Variants in SPTAN1 observed in about 807,000 individuals in gnomAD.
SPTAN1 encodes spectrin alpha chain, non-erythrocytic 1.
A neutral mutation model predicts 331.3 loss-of-function variants in SPTAN1; 61 were observed. That is an observed-to-expected ratio of 0.18 (90% CI 0.15 to 0.23). SPTAN1 has a LOEUF of 0.23. SPTAN1 is among the 10% of genes least tolerant of loss of function. The pLI is 1.00. For synonymous variants in SPTAN1, 1,153 were observed against 1,173.9 expected, an observed-to-expected ratio of 0.98 and a Z score of 0.36; for missense variants, 2,043 against 3,147.9, an observed-to-expected ratio of 0.65 and a Z score of 8.40.
At chr9:128,598,360 G>A in intron 24 of SPTAN1, 40 bp from the exon 25 acceptor site, 1 of 1,519,646 alleles carries the variant, frequency 6.6e-7, no homozygotes, top group Non-Finnish European at 9.1e-7. Flanking sequence ...ACTTTGGCTT[G>A]CTATTTTGGG....
At chr9:128,616,220 C>T (rs963165575) in intron 41 of SPTAN1, among the ~76,000 whole-genome samples, 3 of 151,350 alleles carry the variant, frequency 2.0e-5, no homozygotes, top group African/African-American at 7.3e-5. Context: ...GGTAAACAAA[C>T]ATTTTTTTTT....
At position 128,633,462 on chromosome 9, in the gene SPTAN1, AAAATGGTGCTTCACT is replaced by A; in HGVS notation, c.*131_*145del. On this transcript the variant is annotated 3_prime_UTR_variant, in exon 57 of 57. Transcript: ENST00000372739. ...CTTAGCTTGGAATAAGACTTAGGAG[AAAATGGTGCTTCACT>A]AACCCGCTTCCGGTCCAGTCACAAT... The A allele has an allele frequency of 5.3e-6, 8 of 1,504,938 alleles. No individual in the cohort carries two copies. The highest frequency in any genetic ancestry group is 7.3e-6 in the Non-Finnish European group (8 of 1,096,282). 93.2% of individuals were successfully genotyped at this position (1,504,938 alleles called of 1,614,324 possible).
chr9:128,580,929 T>C lies in SPTAN1; in HGVS notation c.1331T>C (p.Val444Ala), dbSNP rs2131087754. 6.2e-7 allele frequency: 1 copy of C among 1,613,064 alleles called. No individual in the cohort carries two copies. Among genetic ancestry groups the C allele is most frequent in the South Asian group, 1.1e-5 (1 of 91,028 alleles). Reference sequence around the variant, plus strand: ...GTCTCCTATGCCCCCAAGCTGACCGTCCTTTCCGAGGAGAGAGCGGCGCTG... The same window carrying C: ...GTCTCCTATGCCCCCAAGCTGACCGCCCTTTCCGAGGAGAGAGCGGCGCTG... ...ASDEVREKLT[V>A]LSEERAALLE... The change falls in exon 11 of 57, where the codon GTC (valine) becomes GCC (alanine). Residue 444 changes from valine (V) to alanine (A), a missense_variant. This residue lies in a region of SPTAN1 where 1,038 missense variants were observed against 1,531.5 expected (regional missense o/e 0.68). Coordinates refer to ENST00000372739, the MANE Select transcript of SPTAN1 (RefSeq NM_001130438.3).
In SPTAN1 at chr9:128,581,076, G is replaced by A. The variant is rs758242330; in HGVS notation, c.1461+17G>A. The A allele has an allele frequency of 3.1e-6, 5 of 1,613,604 alleles. No homozygotes were observed. In the East Asian group the frequency reaches 6.7e-5, roughly 22 times the overall value. On this transcript the variant is annotated intron_variant, in intron 11 of 56. Transcript: ENST00000372739. Reference sequence around the variant, plus strand: ...AAGCAGGAGGTAATCTGTGAGCAAAGCCTTGCCAGTGGTGGGAGAAGAAGG... The same window carrying A: ...AAGCAGGAGGTAATCTGTGAGCAAAACCTTGCCAGTGGTGGGAGAAGAAGG...
Position 128,609,326 on chromosome 9 carries a change from T to C in SPTAN1, c.4758+42T>C, listed in dbSNP as rs182701478. ...GGGTGTTGGTCTTGATGTAGCCTTA[T>C]GTTATTGAGTAGATTTTGTTAAATA... On this transcript the variant is annotated intron_variant, in intron 36 of 56. Coordinates refer to ENST00000372739, the MANE Select transcript of SPTAN1 (RefSeq NM_001130438.3). The C allele has an allele frequency of 6.1e-4, 983 of 1,613,666 alleles. 2 individuals carry two copies. The highest frequency in any genetic ancestry group is 8.3e-4 in the Middle Eastern group (5 of 6,060).
At chr9:128,612,369 C>T in intron 39 of SPTAN1, 123 bp downstream of exon 39, 1 of 1,258,372 alleles carries the variant, frequency 7.9e-7, no homozygotes, top group Non-Finnish European at 1.2e-6. Flanking sequence ...TGACAGAAAC[C>T]CTTATTATAT....
At chr9:128,570,585 GC>G (rs1850594344) in intron 3 of SPTAN1, among the ~76,000 whole-genome samples, 1 of 151,850 alleles carries the variant, frequency 6.6e-6, no homozygotes, top group Non-Finnish European at 1.5e-5. Flanking sequence ...TGATCCACCT[GC>G]CTCAGCCTCC....
intron 9 of SPTAN1, among the ~76,000 whole-genome samples, chr9:128,579,319 T>G (rs543790625): frequency 6.6e-6 from 1 of 152,258 alleles, no homozygotes; most frequent in South Asian, 2.1e-4. Flanking sequence ...TATAAAATCA[T>G]AGTAAACAAG....
intron 1 of SPTAN1, among the ~76,000 whole-genome samples, chr9:128,556,413 T>C (rs1848647265): frequency 6.6e-6 from 1 of 152,154 alleles, no homozygotes; most frequent in African/African-American, 2.4e-5. Context: ...ATCAGATGAG[T>C]TATTTACTTA....
intron 51 of SPTAN1, chr9:128,630,063 C>T (rs1449753290): frequency 1.5e-6 from 1 of 652,758 alleles, no homozygotes; most frequent in Non-Finnish European, 2.8e-6. Context: ...GTCATCCTGG[C>T]CTTGGGAGCA....
At chr9:128,595,742 C>T (rs1276089870) in intron 24 of SPTAN1, among the ~76,000 whole-genome samples, 1 of 152,192 alleles carries the variant, frequency 6.6e-6, no homozygotes, top group Admixed American at 6.5e-5. Context: ...CGCAGCCACT[C>T]ATCTGCTGCT....
At chr9:128,591,766 A>G in intron 22 of SPTAN1, 141 bp downstream of exon 22, 1 of 1,016,998 alleles carries the variant, frequency 9.8e-7, no homozygotes, top group Non-Finnish European at 1.4e-6. Context: ...CTTTGAGCCC[A>G]CAGACCTCCC....
chr9:128,633,055 T>TA, intron 56 of SPTAN1, 100 bp downstream of exon 56: 1 of 1,592,372 alleles, frequency 6.3e-7, no homozygotes, highest in Non-Finnish European at 8.5e-7. Flanking sequence ...GCGCTGGGTA[T>TA]TCTCCCCATT....
At chr9:128,617,839 T>C (rs1589352815) in intron 42 of SPTAN1, 79 bp downstream of exon 42, 1 of 1,612,108 alleles carries the variant, frequency 6.2e-7, no homozygotes. Context: ...CTTGCGCTTA[T>C]TTCACTGAGG....
intron 1 of SPTAN1, among the ~76,000 whole-genome samples, chr9:128,565,931 G>A (rs1362836992): frequency 6.6e-6 from 1 of 152,162 alleles, no homozygotes. Flanking sequence ...GTCACTTTAG[G>A]AAATTGAGGC....
At chr9:128,624,844 G>A (rs1858492085) in intron 46 of SPTAN1, 3 of 582,880 alleles carry the variant, frequency 5.1e-6, no homozygotes, top group Admixed American at 2.9e-5. Context: ...AACTGGGTCC[G>A]GATATCGGGG....
chr9:128,614,538 C>CGAGATT (rs1299379591), intron 40 of SPTAN1, among the ~76,000 whole-genome samples: 2 of 150,384 alleles, frequency 1.3e-5, no homozygotes, highest in Non-Finnish European at 3.0e-5. Context: ...TGCAGTGAGC[C>CGAGATT]GAGATTGTGT....
chr9:128,626,432 C>T lies in SPTAN1; in HGVS notation c.6321C>T (p.Ala2107=), dbSNP rs769488004. Residue 2107 remains alanine, a synonymous_variant, in exon 49 of 57, where the codon GCC becomes GCT. Coordinates refer to ENST00000372739, the MANE Select transcript of SPTAN1 (RefSeq NM_001130438.3). ...TGACCTTCGCCAAAAAGGCTTCTGC[C>T]TTCAACAGCTGGTTTGAAAATGCAG... is the stretch of plus-strand genomic sequence containing the variant. ...LFLTFAKKAS[A]FNSWFENAEE... 1.9e-6 allele frequency: 3 copies of T among 1,614,094 alleles called. No individual in the cohort carries two copies. The highest frequency in any genetic ancestry group is 2.5e-6 in the Non-Finnish European group (3 of 1,180,054).
In SPTAN1 at chr9:128,630,234, G is replaced by A. The variant is rs371874064; in HGVS notation, c.6708-87G>A. On this transcript the variant is annotated intron_variant, in intron 51 of 56. Coordinates refer to ENST00000372739, the MANE Select transcript of SPTAN1 (RefSeq NM_001130438.3). ...CCTTAAAAGGAATGTGAGGTTGCCA[G>A]GCATTGCTCTCTCTGAGAGAAGGTT... The A allele has an allele frequency of 1.2e-4, 168 of 1,426,036 alleles. No individual in the cohort carries two copies. The African/African-American group carries it at 2.2e-3, about 19-fold the overall frequency. 88.3% of individuals were successfully genotyped at this position (1,426,036 alleles called of 1,614,324 possible). A position where few individuals can be genotyped will look rare whatever the true frequency, so the allele number is the denominator to read the frequency against.
Sources: allele counts gnomAD v4.1 joint callset (sites outside exome capture counted in the v4.1 genomes callset), GRCh38; gene constraint gnomAD v4.1.1; regional missense constraint gnomAD v4.1.1; transcripts MANE v1.5; gene names NCBI Gene and HGNC (gene_info 2026-07-23, HGNC 2026-07-21).